The following TNIP3 variants were observed in gnomAD, a reference collection of about 807,000 sequenced individuals.
TNIP3 encodes the protein TNFAIP3 interacting protein 3.
In TNIP3, 34 loss-of-function variants were observed where a neutral mutation model predicts 54.1. The observed-to-expected ratio is 0.63, with a 90% CI of 0.48 to 0.84. TNIP3 has a LOEUF of 0.84. Among genes scored for constraint, TNIP3 ranks in the 40% least tolerant of loss-of-function variants. The pLI is 0.00. For synonymous variants in TNIP3, 134 were observed against 136.8 expected, an observed-to-expected ratio of 0.98 and a Z score of 0.14; for missense variants, 366 against 387.6, an observed-to-expected ratio of 0.94 and a Z score of 0.47.
chr4:121,223,491 A>T (rs1293530906), intron 1 of TNIP3, among the ~76,000 whole-genome samples: 1 of 152,228 alleles, frequency 6.6e-6, no homozygotes, highest in African/African-American at 2.4e-5. Flanking sequence ...ACACACAATA[A>T]TATTCATGTC....
At position 121,138,633 on chromosome 4, in the gene TNIP3, T is replaced by C; in HGVS notation, c.937A>G (p.Lys313Glu). The C allele has an allele frequency of 6.2e-7, 1 of 1,614,004 alleles. No individual in the cohort carries two copies. Among genetic ancestry groups the C allele is most frequent in the South Asian group, 1.1e-5 (1 of 91,080 alleles). Reference protein sequence around the residue: ...LDQLPPDVQHKANGLSSVKKV... With the variant: ...LDQLPPDVQHEANGLSSVKKV... ...ACAGCTGTGGTCTCACCATTTGCCT[T>C]GTGTTGTACATCTGGCGGAAGCTGG... The change falls in exon 10 of 11, where the codon AAG (lysine) becomes GAG (glutamate). Residue 313 changes from lysine to glutamate, a missense_variant. Coordinates refer to ENST00000057513, the MANE Select transcript of TNIP3 (RefSeq NM_024873.6).
At chr4:121,170,340 A>G (rs1467683087) in intron 3 of TNIP3, among the ~76,000 whole-genome samples, 6 of 152,212 alleles carry the variant, frequency 3.9e-5, no homozygotes, top group Non-Finnish European at 5.9e-5. Context: ...CTATAGTACA[A>G]AATCATAGCA....
At chr4:121,167,273 A>G (rs1285839168), upstream of TNIP3, among the ~76,000 whole-genome samples, 1 of 152,126 alleles carries the variant, frequency 6.6e-6, no homozygotes, top group Non-Finnish European at 1.5e-5. Flanking sequence ...GTCAATATAT[A>G]TATATTTGAA....
Position 121,150,204 on chromosome 4 carries a change from A to G in TNIP3, c.508T>C (p.Leu170=). The G allele has an allele frequency of 6.2e-7, 1 of 1,612,380 alleles. No homozygotes were observed. The highest frequency in any genetic ancestry group is 8.5e-7 in the Non-Finnish European group (1 of 1,178,624). The change falls in exon 6 of 11, where the codon TTG becomes CTG. Residue 170 remains leucine (L), a synonymous_variant. Transcript: ENST00000057513. ...TCGGAAAATGAACACTTGATATTCA[A>G]GGCATCCTGAAGAGCCTACGTAATA... ...KRLNKALQDA[L]NIKCSFSEDC...
At chr4:121,148,546 A>G (rs1249210348) in intron 6 of TNIP3, among the ~76,000 whole-genome samples, 1 of 152,190 alleles carries the variant, frequency 6.6e-6, no homozygotes, top group Non-Finnish European at 1.5e-5. Flanking sequence ...TAGCACCAAC[A>G]GTTACTTTAG....
chr4:121,196,784 G>A (rs920504760), intron 2 of TNIP3, among the ~76,000 whole-genome samples: 5 of 151,606 alleles, frequency 3.3e-5, no homozygotes, highest in Middle Eastern at 3.4e-3. Flanking sequence ...CAATTTCAAC[G>A]TAGAAAATTT....
chr4:121,161,780 G>T (rs6820363), intron 1 of TNIP3, among the ~76,000 whole-genome samples: 6 of 151,978 alleles, frequency 3.9e-5, no homozygotes, highest in Non-Finnish European at 8.8e-5. Flanking sequence ...AAAGTCACTA[G>T]GTTACTAGTT....
intron 10 of TNIP3, among the ~76,000 whole-genome samples, chr4:121,135,081 G>A (rs779050482): frequency 3.3e-5 from 5 of 152,212 alleles, no homozygotes; most frequent in Admixed American, 6.5e-5. Flanking sequence ...AGAGAAGGTC[G>A]AGGGTCCCAG....
chr4:121,200,143 C>T (rs187528287), intron 2 of TNIP3, among the ~76,000 whole-genome samples: 1 of 152,126 alleles, frequency 6.6e-6, no homozygotes, highest in Non-Finnish European at 1.5e-5. Flanking sequence ...TTTACTGCCC[C>T]CACATGGGCA....
At chr4:121,187,074 A>G (rs922578019) in intron 2 of TNIP3, among the ~76,000 whole-genome samples, 1 of 152,186 alleles carries the variant, frequency 6.6e-6, no homozygotes, top group Non-Finnish European at 1.5e-5. Context: ...ACATTCTGAC[A>G]ATTGAGAGGC....
chr4:121,146,911 A>T, intron 7 of TNIP3, 138 bp downstream of exon 7: 1 of 851,038 alleles, frequency 1.2e-6, no homozygotes, highest in Non-Finnish European at 1.7e-6. Flanking sequence ...AAGATTGTTT[A>T]AGAATGACTT....
chr4:121,166,110 C>T (rs1329415213), upstream of TNIP3, among the ~76,000 whole-genome samples: 1 of 152,164 alleles, frequency 6.6e-6, no homozygotes, highest in Non-Finnish European at 1.5e-5. Flanking sequence ...GGCATTGTGC[C>T]TCTTGAGTCT....
At chr4:121,172,007 A>G (rs1579437331) in intron 3 of TNIP3, among the ~76,000 whole-genome samples, 1 of 152,202 alleles carries the variant, frequency 6.6e-6, no homozygotes, top group East Asian at 1.9e-4. Context: ...TTCTGGGATT[A>G]CAGGCATGAG....
chr4:121,154,734 A>G, intron 4 of TNIP3, 55 bp from the exon 5 acceptor site: 1 of 1,499,258 alleles, frequency 6.7e-7, no homozygotes, highest in Non-Finnish European at 8.9e-7. Context: ...AAATGAGATG[A>G]TATTGTAGGA....
intron 2 of TNIP3, among the ~76,000 whole-genome samples, chr4:121,160,006 A>G (rs1031762342): frequency 8.5e-5 from 13 of 152,198 alleles, no homozygotes; most frequent in African/African-American, 2.9e-4. Flanking sequence ...GTATAATATT[A>G]TTATATTGAG....
At position 121,132,074 on chromosome 4, in the gene TNIP3, A is replaced by G. The variant is rs1171029930; in HGVS notation, c.*557T>C. 3.3e-5 allele frequency: 5 copies of G among 153,522 alleles called. No individual in the cohort carries two copies. Among genetic ancestry groups the G allele is most frequent in the African/African-American group, 1.2e-4 (5 of 41,428 alleles). The allele number at this position is 153,522 out of a possible 1,614,324, so 9.5% of individuals were successfully genotyped here. A position where few individuals can be genotyped will look rare whatever the true frequency, so the allele number is the denominator to read the frequency against. On this transcript the variant is annotated 3_prime_UTR_variant, in exon 11 of 11. Transcript: ENST00000057513. ...AACCACTTATTTAATTTAATGAGGT[A>G]TATACACCTCTTCAATTCTACGTTT...
chr4:121,171,848 A>G (rs1375796186), intron 3 of TNIP3, among the ~76,000 whole-genome samples: 1 of 152,186 alleles, frequency 6.6e-6, no homozygotes, highest in Non-Finnish European at 1.5e-5. Flanking sequence ...CTCCTGCCTC[A>G]GCCTCCCAAG....
intron 2 of TNIP3, among the ~76,000 whole-genome samples, chr4:121,191,819 C>A (rs960787633): frequency 2.0e-5 from 3 of 152,108 alleles, no homozygotes; most frequent in Non-Finnish European, 2.9e-5. Flanking sequence ...ATTGTTAAGG[C>A]TGAGTTTCAT....
chr4:121,134,401 A>G (rs923324997), intron 10 of TNIP3, among the ~76,000 whole-genome samples: 2 of 152,248 alleles, frequency 1.3e-5, no homozygotes, highest in South Asian at 2.1e-4. Flanking sequence ...TTCTATAAAC[A>G]TGGAAGTCAT....
Sources: gnomAD v4.1 joint callset for allele counts (sites outside exome capture counted in the v4.1 genomes callset) on GRCh38, gnomAD v4.1.1 for gene constraint, MANE v1.5 for transcripts, NCBI Gene and HGNC (gene_info 2026-07-23, HGNC 2026-07-21) for gene names.